Variants in IQGAP2 observed in about 807,000 individuals in gnomAD.
IQGAP2 encodes the protein ras GTPase-activating-like protein IQGAP2.
Under a neutral mutation model 201.3 loss-of-function variants are expected in IQGAP2, and 173 were observed. The observed-to-expected ratio is 0.86, with a 90% CI of 0.76 to 0.98. The LOEUF is 0.98. Ranked by LOEUF, IQGAP2 falls within the 50% of genes least tolerant of loss-of-function variation. The pLI is 0.00. For synonymous variants in IQGAP2, 675 were observed against 673.9 expected, an observed-to-expected ratio of 1.00 and a Z score of -0.03; for missense variants, 1,687 against 1,864.8, an observed-to-expected ratio of 0.90 and a Z score of 1.76.
intron 3 of IQGAP2, among the ~76,000 whole-genome samples, chr5:76,563,603 T>A (rs1744535123): frequency 6.6e-6 from 1 of 152,216 alleles, no homozygotes; most frequent in Admixed American, 6.5e-5. Context: ...CCATTAGCAA[T>A]GTATCTTCAA....
chr5:76,610,096 ATATATATATATATATATATTTTTTTTTTT>A (rs1561506129), intron 12 of IQGAP2, among the ~76,000 whole-genome samples: 13 of 11,516 alleles, frequency 1.1e-3, no homozygotes, highest in African/African-American at 3.3e-3. Flanking sequence ...ATATATATAT[ATATATATATATATATATATTTTTTTTTTT>A]TTTTTTTTTT....
intron 1 of IQGAP2, among the ~76,000 whole-genome samples, chr5:76,448,834 G>A (rs1017355983): frequency 2.0e-5 from 3 of 152,166 alleles, no homozygotes; most frequent in African/African-American, 2.4e-5. Flanking sequence ...AATATCATCA[G>A]TGACTTAACA....
chr5:76,677,101 C>T (rs1165662933), intron 27 of IQGAP2, 117 bp from the exon 28 acceptor site: 5 of 999,966 alleles, frequency 5.0e-6, no homozygotes, highest in Non-Finnish European at 7.2e-6. Flanking sequence ...CACGTCCTCT[C>T]AAGGTTTGAG....
Position 76,621,233 on chromosome 5 carries a change from G to A in IQGAP2, c.1522-6177G>A, listed in dbSNP as rs140884155. Among the ~76,000 whole-genome samples the A allele has an allele frequency of 5.5e-4, 83 of 152,268 alleles. No individual in the cohort carries two copies. In the East Asian group the frequency reaches 0.015, roughly 28 times the overall value. On this transcript the variant is annotated intron_variant, in intron 13 of 35. Coordinates refer to ENST00000274364, the MANE Select transcript of IQGAP2 (RefSeq NM_006633.5). ...CCCGGGTGAAATGGAAACCCTCCACGTAAACCTGAGATTGCACAAGCTGAA... is the reference window on the plus strand; with the variant it reads ...CCCGGGTGAAATGGAAACCCTCCACATAAACCTGAGATTGCACAAGCTGAA...
intron 17 of IQGAP2, among the ~76,000 whole-genome samples, chr5:76,646,566 T>TAATAATTCATCTTCCTGTATAATTC (rs1752052996): frequency 6.6e-6 from 1 of 152,166 alleles, no homozygotes; most frequent in Admixed American, 6.6e-5. Context: ...AAACTCCAGA[T>TAATAATTCATCTTCCTGTATAATTC]AATAATTCAT....
chr5:76,469,174 G>A (rs1389542605), intron 2 of IQGAP2, among the ~76,000 whole-genome samples: 1 of 152,164 alleles, frequency 6.6e-6, no homozygotes. Context: ...CGACAGGTTT[G>A]TGACCCAGTA....
intron 2 of IQGAP2, among the ~76,000 whole-genome samples, chr5:76,512,351 AC>A (rs1758020902): frequency 6.6e-6 from 1 of 152,064 alleles, no homozygotes; most frequent in Non-Finnish European, 1.5e-5. Context: ...AAAATTTAAA[AC>A]CTTAGGAGGA....
At chr5:76,595,023 C>T (rs1000585906) in intron 9 of IQGAP2, among the ~76,000 whole-genome samples, 4 of 151,472 alleles carry the variant, frequency 2.6e-5, no homozygotes, top group African/African-American at 7.3e-5. Context: ...TTTCCTCAAC[C>T]ATGTAGGTTA....
intron 2 of IQGAP2, among the ~76,000 whole-genome samples, chr5:76,517,481 C>T (rs1022455681): frequency 2.0e-4 from 31 of 151,846 alleles, no homozygotes; most frequent in African/African-American, 5.6e-4. Context: ...TTAAGTAGCA[C>T]GCATTCCTGT....
intron 2 of IQGAP2, among the ~76,000 whole-genome samples, chr5:76,485,971 G>T (rs192666779): frequency 4.6e-5 from 7 of 152,132 alleles, no homozygotes; most frequent in African/African-American, 1.4e-4. Flanking sequence ...CAATTTTTCT[G>T]GTTTTAATTT....
chr5:76,543,944 G>T (rs1433779537), intron 2 of IQGAP2, among the ~76,000 whole-genome samples: 1 of 152,108 alleles, frequency 6.6e-6, no homozygotes, highest in African/African-American at 2.4e-5. Flanking sequence ...AAATTGTTAG[G>T]CAGGTGAAAT....
At chr5:76,590,947 A>C (rs1391185323) in intron 8 of IQGAP2, among the ~76,000 whole-genome samples, 1 of 150,596 alleles carries the variant, frequency 6.6e-6, no homozygotes, top group Non-Finnish European at 1.5e-5. Flanking sequence ...AAAATAAAAA[A>C]TTAGCTGGGC....
At chr5:76,687,651 C>A (rs905293329) in intron 30 of IQGAP2, among the ~76,000 whole-genome samples, 1 of 152,150 alleles carries the variant, frequency 6.6e-6, no homozygotes, top group African/African-American at 2.4e-5. Flanking sequence ...CCTGTCAGAT[C>A]AGTGGCAGCA....
chr5:76,490,919 C>T (rs1293913192), intron 2 of IQGAP2, among the ~76,000 whole-genome samples: 3 of 151,714 alleles, frequency 2.0e-5, no homozygotes, highest in Non-Finnish European at 4.4e-5. Flanking sequence ...TATTCCTTGG[C>T]ACCCCTAAAA....
chr5:76,567,293 C>CA (rs779657654), intron 3 of IQGAP2, among the ~76,000 whole-genome samples: 1 of 152,192 alleles, frequency 6.6e-6, no homozygotes, highest in Non-Finnish European at 1.5e-5. Context: ...ACATGACACT[C>CA]AAAGGAAATG....
intron 2 of IQGAP2, among the ~76,000 whole-genome samples, chr5:76,559,963 A>T (rs907465892): frequency 7.2e-5 from 11 of 152,108 alleles, no homozygotes; most frequent in African/African-American, 2.7e-4. Flanking sequence ...CAAGACCCTG[A>T]CCTGGAATAA....
At chr5:76,600,715 A>G in intron 10 of IQGAP2, 97 bp from the exon 11 acceptor site, 1 of 1,434,134 alleles carries the variant, frequency 7.0e-7, no homozygotes, top group Non-Finnish European at 9.6e-7. Flanking sequence ...AAGTTCTTTG[A>G]CTTTTTGTTG....
intron 2 of IQGAP2, among the ~76,000 whole-genome samples, chr5:76,530,397 C>T (rs148435563): frequency 6.6e-6 from 1 of 152,274 alleles, no homozygotes; most frequent in African/African-American, 2.4e-5. Context: ...GTTTACCCAG[C>T]GTTTTCTTGG....
rs139297156 is a variant in IQGAP2, at chr5:76,631,054, C to G, written c.1613-805C>G. 5.4e-3 allele frequency among the ~76,000 whole-genome samples: 816 copies of G among 152,242 alleles called. 7 individuals are homozygous for G. Among genetic ancestry groups the G allele is most frequent in the Non-Finnish European group, 9.0e-3 (612 of 68,008 alleles). The stretch of plus-strand genomic sequence containing the variant: ...AAAAAAAGAGAAAGCATCCGTGTCT[C>G]CCTTCTCTTTTCCTCAAGATGTTTT... On this transcript the variant is annotated intron_variant, in intron 14 of 35. Transcript: ENST00000274364.
Sources: gnomAD v4.1 joint callset for allele counts (sites outside exome capture counted in the v4.1 genomes callset) on GRCh38, gnomAD v4.1.1 for gene constraint, MANE v1.5 for transcripts, NCBI Gene and HGNC (gene_info 2026-07-23, HGNC 2026-07-21) for gene names.